The following DUSP29 variants were observed in gnomAD, a reference collection of about 807,000 sequenced individuals.
DUSP29 encodes the protein dual specificity phosphatase 29.
In DUSP29, 12 loss-of-function variants were observed where a neutral mutation model predicts 13.5. That is an observed-to-expected ratio of 0.89 (90% CI 0.57 to 1.44). The LOEUF is 1.44. Ranked by LOEUF, DUSP29 falls within the 40% of genes most tolerant of loss-of-function variation. DUSP29 has a pLI of 0.00. For missense variants in DUSP29, 308 were observed against 301.1 expected, an observed-to-expected ratio of 1.02 and a Z score of -0.17; for synonymous variants, 134 against 128.7, an observed-to-expected ratio of 1.04 and a Z score of -0.28.
intron 1 of DUSP29, among the ~76,000 whole-genome samples, 24 bp downstream of exon 1, chr10:75,073,545 G>A (rs565150570): frequency 6.6e-5 from 10 of 152,298 alleles, no homozygotes; most frequent in South Asian, 2.1e-4. Context: ...AAGGGGTGCC[G>A]GCCTCCCCAC....
In DUSP29 at chr10:75,058,498, A is replaced by G; in HGVS notation, c.17T>C (p.Val6Ala). 4 of 1,614,138 alleles carry G rather than the reference A, an allele frequency of 2.5e-6. No homozygotes were observed. The highest frequency in any genetic ancestry group is 3.4e-6 in the Non-Finnish European group (4 of 1,180,024). Residue 6 changes from valine (V) to alanine (A), a missense_variant, in exon 2 of 4, where the codon GTG (valine) becomes GCG (alanine). Physicochemically the swap from Val to Ala is moderately conservative, Grantham distance 64. Transcript: ENST00000338487. ...GTAGGCATTCTTGAGGCTTGTCTTCACTTCTCCAGATGTCATTTTAGAGCC... is the reference window on the plus strand; with the variant it reads ...GTAGGCATTCTTGAGGCTTGTCTTCGCTTCTCCAGATGTCATTTTAGAGCC... MTSGE[V>A]KTSLKNAYSS...
chr10:75,068,140 A>T (rs1410069515), intron 1 of DUSP29, among the ~76,000 whole-genome samples: 1 of 152,194 alleles, frequency 6.6e-6, no homozygotes, highest in Non-Finnish European at 1.5e-5. Flanking sequence ...TAAAAATTAT[A>T]TACATATAAC....
intron 1 of DUSP29, among the ~76,000 whole-genome samples, chr10:75,064,188 C>T (rs1341089458): frequency 6.6e-6 from 1 of 151,702 alleles, no homozygotes; most frequent in African/African-American, 2.4e-5. Flanking sequence ...ACAGGTTGCA[C>T]CACCACACCT....
chr10:75,072,543 G>T (rs1847353211), intron 1 of DUSP29, among the ~76,000 whole-genome samples: 1 of 151,982 alleles, frequency 6.6e-6, no homozygotes. Context: ...CCCTTCAAGT[G>T]TTGTTTATTA....
Position 75,038,003 on chromosome 10 carries a change from T to C in DUSP29, c.496A>G (p.Lys166Glu), listed in dbSNP as rs372846383. Residue 166 changes from lysine (K) to glutamate (E), a missense_variant, in exon 4 of 4, where the codon AAG (lysine) becomes GAG (glutamate). Transcript: ENST00000338487. ...ATGGCGTCCACCAGGGTCATGTCCT[T>C]GTGGATCATCAGGTAGGCCAGGACC... The part of the protein sequence containing the change: ...TLVLAYLMIH[K>E]DMTLVDAIQQ... 76 of 1,613,844 alleles carry C rather than the reference T, an allele frequency of 4.7e-5. No homozygotes were observed. Among genetic ancestry groups the C allele is most frequent in the Non-Finnish European group, 5.8e-5 (69 of 1,180,032 alleles).
In DUSP29 at chr10:75,067,646, G is replaced by A. The variant is rs149499488; in HGVS notation, c.-35+5923C>T. Among the ~76,000 whole-genome samples the A allele has an allele frequency of 1.9e-3, 285 of 152,208 alleles. 7 individuals are homozygous for A. The East Asian group carries it at 0.041, about 22-fold the overall frequency. ...GGCCAGGCCAGCATGGGAGGGGATC[G>A]GAAAGGGGTGTGCTGAGCTAAGCCA... On this transcript the variant is annotated intron_variant, in intron 1 of 3. Coordinates refer to ENST00000338487, the MANE Select transcript of DUSP29 (RefSeq NM_001003892.3).
rs12254181 is a variant in DUSP29 at position 75,069,424 on chromosome 10, C to T, written c.-35+4145G>A. The stretch of plus-strand genomic sequence containing the variant: ...TGAAGATGTGTGGAAACACCACAGG[C>T]GGTTTCACAGGAACCATTTCCCACT... On this transcript the variant is annotated intron_variant, in intron 1 of 3. Transcript: ENST00000338487. Among the ~76,000 whole-genome samples, 1,073 of 152,278 alleles carry T rather than the reference C, an allele frequency of 7.0e-3. 10 individuals are homozygous for T. The highest frequency in any genetic ancestry group is 0.024 in the African/African-American group (979 of 41,548).
rs1417009163 is a variant in DUSP29 at position 75,038,143 on chromosome 10, C to T, written c.422-66G>A. ...CAGGTGTTGGGGGCACAGGTAGGGC[C>T]CACTCCCATCCTGACTGTCACCCTC... On this transcript the variant is annotated intron_variant, in intron 3 of 3. Transcript: ENST00000338487. The T allele has an allele frequency of 3.9e-6, 6 of 1,547,364 alleles. No individual in the cohort carries two copies. The Admixed American group carries it at 5.4e-5, about 14-fold the overall frequency.
chr10:75,046,058 A>G (rs1477561775), intron 2 of DUSP29, among the ~76,000 whole-genome samples: 2 of 152,098 alleles, frequency 1.3e-5, no homozygotes, highest in Admixed American at 1.3e-4. Flanking sequence ...TTGAGGCTGC[A>G]GTGAGCTGTG....
At chr10:75,061,099 G>C (rs898521449) in intron 1 of DUSP29, among the ~76,000 whole-genome samples, 2 of 152,030 alleles carry the variant, frequency 1.3e-5, no homozygotes, top group African/African-American at 4.8e-5. Context: ...GGCCAAGCTG[G>C]TCTCGAACTC....
intron 2 of DUSP29, 136 bp downstream of exon 2, chr10:75,058,179 C>T (rs1993005): frequency 0.3 from 309,628 of 1,042,950 alleles, 52,417 homozygotes; most frequent in East Asian, 0.66. Context: ...AATGTGAAGG[C>T]AAGCCCAGCC....
chr10:75,058,625 G>A (rs1847020126), intron 1 of DUSP29, 77 bp from the exon 2 acceptor site: 4 of 1,226,324 alleles, frequency 3.3e-6, no homozygotes, highest in Non-Finnish European at 4.5e-6. Flanking sequence ...AAAAGAGGTG[G>A]GAATAAGCTT....
At chr10:75,067,619 T>G (rs1847233395) in intron 1 of DUSP29, among the ~76,000 whole-genome samples, 1 of 152,104 alleles carries the variant, frequency 6.6e-6, no homozygotes, top group Non-Finnish European at 1.5e-5. Flanking sequence ...AGGGTTGGGC[T>G]GGGCCAGGCC....
chr10:75,056,047 G>A (rs1013183080), intron 2 of DUSP29, among the ~76,000 whole-genome samples: 3 of 152,064 alleles, frequency 2.0e-5, no homozygotes, highest in Admixed American at 6.6e-5. Flanking sequence ...GGGACTATAG[G>A]TGTGCACCAC....
intron 2 of DUSP29, among the ~76,000 whole-genome samples, chr10:75,051,086 T>C (rs1401561723): frequency 2.6e-5 from 4 of 152,206 alleles, no homozygotes; most frequent in African/African-American, 7.2e-5. Flanking sequence ...TTCTTAGGCC[T>C]TAGGTCACCT....
chr10:75,059,544 TAAC>T (rs1345777137), intron 1 of DUSP29, among the ~76,000 whole-genome samples: 2 of 152,206 alleles, frequency 1.3e-5, no homozygotes, highest in Non-Finnish European at 2.9e-5. Flanking sequence ...CATTTAATCT[TAAC>T]AACACTGAGA....
At chr10:75,059,372 C>T (rs902230110) in intron 1 of DUSP29, among the ~76,000 whole-genome samples, 1 of 152,152 alleles carries the variant, frequency 6.6e-6, no homozygotes, top group South Asian at 2.1e-4. Flanking sequence ...GTAAATGATG[C>T]ACCTATGGTC....
intron 1 of DUSP29, among the ~76,000 whole-genome samples, chr10:75,065,018 T>C (rs893171058): frequency 2.0e-5 from 3 of 152,132 alleles, no homozygotes; most frequent in Non-Finnish European, 4.4e-5. Context: ...TTCTACCCCA[T>C]CTCACTTGCT....
At chr10:75,043,722 G>A (rs1589857157) in intron 3 of DUSP29, 75 bp downstream of exon 3, 1 of 1,337,196 alleles carries the variant, frequency 7.5e-7, no homozygotes, top group Non-Finnish European at 1.0e-6. Context: ...GAAGGGGCGG[G>A]GCCTAAGCTA....
Sources: allele counts gnomAD v4.1 joint callset (sites outside exome capture counted in the v4.1 genomes callset), GRCh38; gene constraint gnomAD v4.1.1; transcripts MANE v1.5; gene names NCBI Gene and HGNC (gene_info 2026-07-23, HGNC 2026-07-21).